The following PCLO variants were observed in gnomAD, a reference collection of about 807,000 sequenced individuals.
The protein encoded by PCLO is protein piccolo.
Under a neutral mutation model 427.5 loss-of-function variants are expected in PCLO, and 82 were observed. The ratio of observed to expected loss-of-function variants is 0.19; its 90% confidence interval spans 0.16 to 0.23. The LOEUF is 0.23. PCLO is among the 10% of genes least tolerant of loss of function. The probability of loss-of-function intolerance (pLI) is 1.00; values close to 1 mark genes in which losing one functional copy is unlikely to be tolerated. For synonymous variants in PCLO, 2,357 were observed against 2,155.4 expected (o/e 1.09, Z -2.59); for missense variants, 6,239 against 6,115.9 (o/e 1.02, Z -0.67).
At chr7:83,076,061 C>G (rs1332720108) in intron 3 of PCLO, among the ~76,000 whole-genome samples, 1 of 151,282 alleles carries the variant, frequency 6.6e-6, no homozygotes, top group Non-Finnish European at 1.5e-5. Flanking sequence ...TATTTAATGA[C>G]TAACACTGTA....
At chr7:82,841,953 C>T (rs1343959550) in intron 13 of PCLO, among the ~76,000 whole-genome samples, 3 of 152,042 alleles carry the variant, frequency 2.0e-5, no homozygotes, top group African/African-American at 7.2e-5. Flanking sequence ...TGCTCAGCAC[C>T]TCCCTGCTCC....
intron 3 of PCLO, among the ~76,000 whole-genome samples, chr7:83,124,162 A>G (rs1791363721): frequency 6.6e-6 from 1 of 151,448 alleles, no homozygotes; most frequent in African/African-American, 2.4e-5. Flanking sequence ...TACAAAAAAA[A>G]AAAAATTAGC....
intron 3 of PCLO, among the ~76,000 whole-genome samples, chr7:83,015,986 A>T (rs1788196907): frequency 1.5e-4 from 2 of 13,752 alleles, no homozygotes; most frequent in African/African-American, 8.2e-4. Context: ...TATTTCCTTA[A>T]AAAAAAATGC....
chr7:82,923,341 G>A (rs1794640574), intron 6 of PCLO, among the ~76,000 whole-genome samples: 1 of 151,948 alleles, frequency 6.6e-6, no homozygotes, highest in Non-Finnish European at 1.5e-5. Context: ...AACACATCCA[G>A]AGAATGCTCT....
At chr7:82,826,963 T>C (rs1044387022) in intron 17 of PCLO, among the ~76,000 whole-genome samples, 1 of 152,012 alleles carries the variant, frequency 6.6e-6, no homozygotes, top group Non-Finnish European at 1.5e-5. Flanking sequence ...AATTTATAAA[T>C]ACTCTAAATA....
chr7:82,847,809 A>C (rs1792543470), intron 10 of PCLO, among the ~76,000 whole-genome samples: 1 of 152,082 alleles, frequency 6.6e-6, no homozygotes, highest in Non-Finnish European at 1.5e-5. Context: ...AATAGCAGGA[A>C]TGTTATAGGA....
rs201613851 is a variant in PCLO at position 82,760,768 on chromosome 7, T to C, written c.15159A>G (p.Ile5053Met). Reference protein sequence around the residue: ...PDHLPDLYVKIYVMNISTQKK... With the variant: ...PDHLPDLYVKMYVMNISTQKK... ...TTTGGGTAGAAATATTCATCACATA[T>C]ATTTTCACATATAAATCTGAAAATA... The change falls in exon 24 of 25, where the codon ATA (isoleucine) becomes ATG (methionine). Residue 5053 changes from isoleucine to methionine, a missense_variant. Ile to Met is a conservative substitution (Grantham distance 10). Around this residue, in one of 5 missense-constraint regions of PCLO, gnomAD observed 877 missense variants for 925.5 expected, o/e 0.95. Coordinates refer to ENST00000333891, the MANE Select transcript of PCLO (RefSeq NM_033026.6). 2.3e-5 allele frequency: 34 copies of C among 1,456,918 alleles called. No individual in the cohort carries two copies. The East Asian group carries it at 7.1e-4, about 30-fold the overall frequency. The allele number at this position is 1,456,918 out of a possible 1,614,324, so 90.2% of individuals were successfully genotyped here.
At chr7:83,067,927 T>A (rs1392285192) in intron 3 of PCLO, among the ~76,000 whole-genome samples, 2 of 152,028 alleles carry the variant, frequency 1.3e-5, no homozygotes, top group African/African-American at 4.8e-5. Context: ...TCTGTGCATA[T>A]CTGAAACCAA....
intron 10 of PCLO, among the ~76,000 whole-genome samples, chr7:82,872,998 T>C (rs1476675884): frequency 6.6e-6 from 1 of 152,062 alleles, no homozygotes; most frequent in Admixed American, 6.6e-5. Flanking sequence ...TAACCCGAAT[T>C]AAGTCTGATA....
chr7:82,767,979 A>G (rs1790567048), intron 22 of PCLO, among the ~76,000 whole-genome samples: 1 of 151,916 alleles, frequency 6.6e-6, no homozygotes, highest in Non-Finnish European at 1.5e-5. Flanking sequence ...AGAAAAGCAA[A>G]AAGGAGGGAG....
intron 3 of PCLO, among the ~76,000 whole-genome samples, chr7:82,969,098 C>T (rs1795846586): frequency 6.6e-6 from 1 of 152,056 alleles, no homozygotes; most frequent in South Asian, 2.1e-4. Flanking sequence ...TACTTTACAG[C>T]ATATGAGGCC....
intron 3 of PCLO, among the ~76,000 whole-genome samples, chr7:83,133,591 CTT>C (rs1791629717): frequency 6.6e-6 from 1 of 151,956 alleles, no homozygotes; most frequent in South Asian, 2.1e-4. Flanking sequence ...ATTCATATAT[CTT>C]TCTTTCTTTC....
intron 6 of PCLO, among the ~76,000 whole-genome samples, chr7:82,926,908 CCCTTCCTTTTGCTT>C (rs1189038976): frequency 1.3e-5 from 2 of 152,120 alleles, no homozygotes; most frequent in African/African-American, 4.8e-5. Flanking sequence ...ATCCTTCCCT[CCCTTCCTTTTGCTT>C]CCTTCCTTTG....
chr7:82,864,813 A>G (rs576811127), intron 10 of PCLO, among the ~76,000 whole-genome samples: 2 of 152,312 alleles, frequency 1.3e-5, no homozygotes, highest in South Asian at 4.1e-4. Context: ...TAAGATTTAA[A>G]AAAAATAAGA....
intron 20 of PCLO, among the ~76,000 whole-genome samples, chr7:82,817,493 C>T (rs975654623): frequency 2.0e-5 from 3 of 152,050 alleles, no homozygotes; most frequent in Non-Finnish European, 4.4e-5. Flanking sequence ...ATCATCTGTA[C>T]CCAGCAATTC....
At chr7:82,856,388 C>A (rs559136771) in intron 10 of PCLO, among the ~76,000 whole-genome samples, 1 of 152,060 alleles carries the variant, frequency 6.6e-6, no homozygotes, top group Admixed American at 6.6e-5. Flanking sequence ...TGATAAGATT[C>A]GATTTCTAAT....
intron 3 of PCLO, among the ~76,000 whole-genome samples, chr7:83,024,527 G>T (rs1046266021): frequency 3.9e-5 from 6 of 152,286 alleles, no homozygotes; most frequent in African/African-American, 1.4e-4. Context: ...CCAGGCTGGG[G>T]GAGGGGCGCC....
intron 3 of PCLO, among the ~76,000 whole-genome samples, chr7:83,110,144 T>G (rs1790966512): frequency 6.6e-6 from 1 of 151,396 alleles, no homozygotes; most frequent in South Asian, 2.1e-4. Flanking sequence ...CTTTATATAA[T>G]CATGTCTATT....
chr7:83,076,678 T>G (rs1279968677), intron 3 of PCLO, among the ~76,000 whole-genome samples: 2 of 150,074 alleles, frequency 1.3e-5, no homozygotes, highest in Non-Finnish European at 3.0e-5. Flanking sequence ...TTAGGGTACA[T>G]GTGCACAATG....
Sources: allele counts gnomAD v4.1 joint callset (sites outside exome capture counted in the v4.1 genomes callset), GRCh38; gene constraint gnomAD v4.1.1; regional missense constraint gnomAD v4.1.1; transcripts MANE v1.5; gene names NCBI Gene and HGNC (gene_info 2026-07-23, HGNC 2026-07-21).